Variants in MAPK8 observed in about 807,000 individuals in gnomAD.
MAPK8 encodes mitogen-activated protein kinase 8.
In MAPK8, 13 loss-of-function variants were observed where a neutral mutation model predicts 52.9. The ratio of observed to expected loss-of-function variants is 0.25; its 90% confidence interval spans 0.16 to 0.39. The LOEUF (loss-of-function observed/expected upper bound fraction) is 0.39, where lower values mean the gene tolerates loss of function less well. Among genes scored for constraint, MAPK8 ranks in the 10% least tolerant of loss-of-function variants. The probability of loss-of-function intolerance (pLI) is 1.00; values close to 1 mark genes in which losing one functional copy is unlikely to be tolerated. For synonymous variants in MAPK8, 191 were observed against 169.8 expected (o/e 1.12, Z -0.97); for missense variants, 300 against 519.2 (o/e 0.58, Z 4.10).
chr10:48,337,767 A>G (rs1357571982), intron 1 of MAPK8, among the ~76,000 whole-genome samples: 45 of 152,178 alleles, frequency 3.0e-4, no homozygotes, highest in Admixed American at 2.9e-3. Flanking sequence ...CAAAGATGTC[A>G]TTACAGTGGA....
chr10:48,425,831 A>ACAAGAATACATTAT, intron 7 of MAPK8, 57 bp from the exon 8 acceptor site: 4 of 818,976 alleles, frequency 4.9e-6, no homozygotes, highest in African/African-American at 2.8e-5. Flanking sequence ...TAATATGAAT[A>ACAAGAATACATTAT]TGACTAATGT....
intron 1 of MAPK8, among the ~76,000 whole-genome samples, chr10:48,358,210 C>T (rs540555752): frequency 9.9e-5 from 15 of 152,132 alleles, no homozygotes; most frequent in Non-Finnish European, 1.9e-4. Flanking sequence ...ATATGGTAAT[C>T]TATGTTTTAC....
intron 9 of MAPK8, 195 bp downstream of exon 9, chr10:48,426,699 C>G: frequency 1.8e-6 from 1 of 563,008 alleles, no homozygotes; most frequent in Non-Finnish European, 3.0e-6. Context: ...AATAAAGTTA[C>G]CTCCCACTGT....
At position 48,426,398 on chromosome 10, in the gene MAPK8, TG is replaced by T; in HGVS notation, c.891del (p.Leu297PhefsTer7). ...TTTGCAGCCAGTCAGGCAAGGGATT[TG>T]TTATCCAAAATGCTGGTAATAGATG... ...NKLKASQARD[L>X]LSKMLVIDAS... On this transcript the variant is annotated frameshift_variant, in exon 9 of 12. Transcript: ENST00000374189. LOFTEE classifies it high-confidence loss of function. 6.2e-7 allele frequency: 1 copy of T among 1,609,668 alleles called. No individual in the cohort carries two copies. Among genetic ancestry groups the T allele is most frequent in the Non-Finnish European group, 8.5e-7 (1 of 1,178,396 alleles).
chr10:48,402,440 G>C (rs1382656848), intron 2 of MAPK8, among the ~76,000 whole-genome samples: 2 of 152,170 alleles, frequency 1.3e-5, no homozygotes, highest in Non-Finnish European at 2.9e-5. Context: ...ATATCTCACT[G>C]TGTGTGTTTC....
At chr10:48,370,967 G>A (rs1377283026) in intron 1 of MAPK8, among the ~76,000 whole-genome samples, 3 of 152,038 alleles carry the variant, frequency 2.0e-5, no homozygotes, top group African/African-American at 7.2e-5. Flanking sequence ...GAGAAAAGAT[G>A]CTTACAAGCT....
intron 1 of MAPK8, among the ~76,000 whole-genome samples, chr10:48,373,294 A>G (rs1033160980): frequency 1.3e-5 from 2 of 152,138 alleles, no homozygotes; most frequent in African/African-American, 4.8e-5. Context: ...ACCAAATTGT[A>G]AAGACCATCA....
At chr10:48,339,216 C>T (rs1009665528) in intron 1 of MAPK8, among the ~76,000 whole-genome samples, 5 of 151,806 alleles carry the variant, frequency 3.3e-5, no homozygotes, top group Non-Finnish European at 4.4e-5. Flanking sequence ...CAAAATAGCA[C>T]GGAATTGGTA....
Position 48,404,960 on chromosome 10 carries a change from GA to G in MAPK8, c.234del (p.Lys78AsnfsTer8). The G allele has an allele frequency of 6.2e-7, 1 of 1,602,854 alleles. No homozygotes were observed. The highest frequency in any genetic ancestry group is 8.5e-7 in the Non-Finnish European group (1 of 1,174,514). On this transcript the variant is annotated frameshift_variant, in exon 3 of 12. Transcript: ENST00000374189. LOFTEE classifies it high-confidence loss of function. Reference protein sequence around the residue: ...KRAYRELVLMKCVNHKNIIGL... With the variant: ...KRAYRELVLMXCVNHKNIIGL... Reference sequence around the variant, plus strand: ...GGGCCTACAGAGAGCTAGTTCTTATGAAATGTGTTAATCACAAAAATGTAAG... The same window carrying G: ...GGGCCTACAGAGAGCTAGTTCTTATGAATGTGTTAATCACAAAAATGTAAG...
At chr10:48,404,117 G>A (rs2042323816) in intron 2 of MAPK8, among the ~76,000 whole-genome samples, 1 of 151,344 alleles carries the variant, frequency 6.6e-6, no homozygotes, top group Admixed American at 6.6e-5. Context: ...CAAAAGGATA[G>A]AAGTAATGTG....
chr10:48,410,178 A>G lies in MAPK8; in HGVS notation c.450+10A>G, dbSNP rs746441196. The G allele has an allele frequency of 6.7e-7, 1 of 1,502,898 alleles. No homozygotes were observed. The allele number at this position is 1,502,898 out of a possible 1,614,324, so 93.1% of individuals were successfully genotyped here. On this transcript the variant is annotated intron_variant, in intron 5 of 11. Transcript: ENST00000374189. ...TGGAATTATTCATCGGGTTAGTAGA[A>G]GAAACTATCGTCATACTCTTTGTTT...
chr10:48,424,457 T>C (rs1254830976), intron 7 of MAPK8: 5 of 1,099,724 alleles, frequency 4.5e-6, no homozygotes, highest in Non-Finnish European at 5.3e-6. Flanking sequence ...ATTTCTTTCT[T>C]TTTTTTTTTA....
chr10:48,313,022 GA>G (rs1389767418), intron 1 of MAPK8, among the ~76,000 whole-genome samples: 1 of 152,140 alleles, frequency 6.6e-6, no homozygotes, highest in Admixed American at 6.5e-5. Context: ...ATGTATTTTA[GA>G]ATGAAGGCTT....
chr10:48,383,423 T>A (rs955003794), intron 1 of MAPK8, among the ~76,000 whole-genome samples: 1 of 152,108 alleles, frequency 6.6e-6, no homozygotes, highest in African/African-American at 2.4e-5. Context: ...GGGTCAAGAG[T>A]CATATTAATA....
chr10:48,329,466 C>T (rs1344534435), intron 1 of MAPK8, among the ~76,000 whole-genome samples: 2 of 151,382 alleles, frequency 1.3e-5, no homozygotes, highest in Non-Finnish European at 1.5e-5. Context: ...CATGAGACAA[C>T]GTTATCTTGA....
Position 48,436,506 on chromosome 10 carries a change from A to G in MAPK8, c.*1477A>G, listed in dbSNP as rs1404179741. ...TCTGGAACAAGAGGGATTTCATGTAATGAACTAGGAAATGCATACTCACAT... is the reference window on the plus strand; with the variant it reads ...TCTGGAACAAGAGGGATTTCATGTAGTGAACTAGGAAATGCATACTCACAT... On this transcript the variant is annotated 3_prime_UTR_variant, in exon 12 of 12. Coordinates refer to ENST00000374189, the MANE Select transcript of MAPK8 (RefSeq NM_001323329.2). 1 of 152,208 alleles carries G rather than the reference A, an allele frequency of 6.6e-6. No homozygotes were observed. The highest frequency in any genetic ancestry group is 1.5e-5 in the Non-Finnish European group (1 of 68,032). The allele number at this position is 152,208 out of a possible 1,614,324, so 9.4% of individuals were successfully genotyped here.
chr10:48,419,035 TACAGAATACCA>T (rs2043209424), intron 5 of MAPK8, among the ~76,000 whole-genome samples: 1 of 152,208 alleles, frequency 6.6e-6, no homozygotes. Context: ...ACATTATATT[TACAGAATACCA>T]ATAATGAAAA....
chr10:48,325,580 C>G (rs1843437078), intron 1 of MAPK8, among the ~76,000 whole-genome samples: 1 of 152,132 alleles, frequency 6.6e-6, no homozygotes, highest in East Asian at 1.9e-4. Context: ...CTACAGTTTC[C>G]ATATACCCCA....
At chr10:48,431,302 C>T (rs563677532) in intron 11 of MAPK8, 32 bp downstream of exon 11, 1 of 1,440,122 alleles carries the variant, frequency 6.9e-7, no homozygotes, top group Non-Finnish European at 9.7e-7. Flanking sequence ...GTTAAGATTA[C>T]AGTTTACTTC....
Sources: allele counts gnomAD v4.1 joint callset (sites outside exome capture counted in the v4.1 genomes callset), GRCh38; gene constraint gnomAD v4.1.1; transcripts MANE v1.5; gene names NCBI Gene and HGNC (gene_info 2026-07-23, HGNC 2026-07-21).